The following PPP1R13L variants were observed in gnomAD, a reference collection of about 807,000 sequenced individuals.
PPP1R13L encodes the protein relA-associated inhibitor.
In PPP1R13L, 50 loss-of-function variants were observed where a neutral mutation model predicts 80.9. The ratio of observed to expected loss-of-function variants is 0.62; its 90% CI spans 0.49 to 0.78. The LOEUF is 0.78. Among genes scored for constraint, PPP1R13L ranks in the 30% least tolerant of loss-of-function variants. The pLI, the probability that PPP1R13L is intolerant of heterozygous loss-of-function variation, is 0.00. For missense variants in PPP1R13L, 1,200 were observed against 1,205.9 expected (o/e 1.00, Z 0.07); for synonymous variants, 602 against 534.3 (o/e 1.13, Z -1.75).
intron 12 of PPP1R13L, among the ~76,000 whole-genome samples, 170 bp downstream of exon 12, chr19:45,382,356 TA>T (rs1423697711): frequency 6.6e-6 from 1 of 152,222 alleles, no homozygotes; most frequent in Non-Finnish European, 1.5e-5. Context: ...ACATTACTAT[TA>T]AATATAACGG....
intron 6 of PPP1R13L, 96 bp from the exon 7 acceptor site, chr19:45,395,982 G>T: frequency 2.0e-6 from 2 of 1,007,290 alleles, no homozygotes; most frequent in Non-Finnish European, 3.0e-6. Context: ...GGTGAGGGAA[G>T]CCCTGGGAGT....
intron 12 of PPP1R13L, among the ~76,000 whole-genome samples, chr19:45,380,887 A>G (rs1972750122): frequency 6.6e-6 from 1 of 150,840 alleles, no homozygotes; most frequent in Non-Finnish European, 1.5e-5. Flanking sequence ...CTCCCTTCTC[A>G]GGAATGTAAC....
chr19:45,396,747 A>G lies in PPP1R13L; in HGVS notation c.510T>C (p.Gly170=). The G allele has an allele frequency of 7.3e-7, 1 of 1,361,154 alleles. No individual in the cohort carries two copies. The highest frequency in any genetic ancestry group is 9.4e-7 in the Non-Finnish European group (1 of 1,066,688). 84.3% of individuals were successfully genotyped at this position (1,361,154 alleles called of 1,614,324 possible). Residue 170 remains glycine, a synonymous_variant, in exon 4 of 13, where the codon GGT becomes GGC. Transcript: ENST00000360957. This position sits in a 1 kb window ranked among gnomAD's most constrained non-coding sequence, Gnocchi z 5.3. ...CCAGGAAGTCGAAAGGCGTGGGGGG[A>G]CCCTGCTGGCGGAGCGGGCCTGGCC... The part of the protein sequence containing the change: ...RPGPGPLRQQ[G]PPTPFDFLGR...
chr19:45,380,055 C>G lies in PPP1R13L; in HGVS notation c.*135G>C. 1 of 965,102 alleles carries G rather than the reference C, an allele frequency of 1.0e-6. No homozygotes were observed. The highest frequency in any genetic ancestry group is 1.6e-6 in the Non-Finnish European group (1 of 630,432). The allele number at this position is 965,102 out of a possible 1,614,324, so 59.8% of individuals were successfully genotyped here. A position where few individuals can be genotyped will look rare whatever the true frequency, so the allele number is the denominator to read the frequency against. On this transcript the variant is annotated 3_prime_UTR_variant, in exon 13 of 13. Coordinates refer to ENST00000360957, the MANE Select transcript of PPP1R13L (RefSeq NM_006663.4). ...CTTCTTCCCTGGACTTCCAGGAGAACAGAGAACCGGTGGCAAGGACCACCA... is the reference window on the plus strand; with the variant it reads ...CTTCTTCCCTGGACTTCCAGGAGAAGAGAGAACCGGTGGCAAGGACCACCA...
intron 8 of PPP1R13L, among the ~76,000 whole-genome samples, chr19:45,389,614 A>G (rs1972930610): frequency 6.6e-6 from 1 of 152,082 alleles, no homozygotes. Context: ...GTTCAAGACC[A>G]GCCTAGCCAA....
At position 45,382,721 on chromosome 19, in the gene PPP1R13L, C is replaced by T. The variant is rs61324211; in HGVS notation, c.2254G>A (p.Glu752Lys). 15 of 1,613,852 alleles carry T rather than the reference C, an allele frequency of 9.3e-6. No homozygotes were observed. Among genetic ancestry groups the T allele is most frequent in the African/African-American group, 2.7e-5 (2 of 74,920 alleles). The change falls in exon 12 of 13, where the codon GAG becomes AAG. Residue 752 changes from glutamate to lysine, a missense_variant. Physicochemically the swap from Glu to Lys is moderately conservative, Grantham distance 56. This residue lies in a region of PPP1R13L where 165 missense variants were observed against 177.1 expected (regional missense o/e 0.93). Coordinates refer to ENST00000360957, the MANE Select transcript of PPP1R13L (RefSeq NM_006663.4). The stretch of plus-strand genomic sequence containing the variant: ...CTGTTCATCAGCCCCATACTCTGCT[C>T]GACGTCTGAAACATGCCACGGAGGG... ...ADCATYLADV[E>K]QSMGLMNSGA...
rs1211043303 is a variant in PPP1R13L at position 45,393,746 on chromosome 19, G to A, written c.1355-1406C>T. On this transcript the variant is annotated intron_variant, in intron 7 of 12. Transcript: ENST00000360957. ...AAATTAGCTGGGGGTGGTGGTGGGCGCCTGTAGTCCCAGCCACTCGGGAGG... is the reference window on the plus strand; with the variant it reads ...AAATTAGCTGGGGGTGGTGGTGGGCACCTGTAGTCCCAGCCACTCGGGAGG... Among the ~76,000 whole-genome samples the A allele has an allele frequency of 3.3e-5, 5 of 151,996 alleles. No individual in the cohort carries two copies. The East Asian group carries it at 5.8e-4, about 18-fold the overall frequency.
chr19:45,393,867 C>CA (rs900361425), intron 7 of PPP1R13L, among the ~76,000 whole-genome samples: 22 of 148,928 alleles, frequency 1.5e-4, no homozygotes, highest in Admixed American at 1.2e-3. Context: ...GACTCTGTCT[C>CA]AAAAAAAAAG....
Position 45,385,647 on chromosome 19 carries a change from G to A in PPP1R13L, c.2163C>T (p.Ala721=). The change falls in exon 11 of 13, where the codon GCC becomes GCT. Residue 721 remains alanine, a synonymous_variant. Transcript: ENST00000360957. Reference sequence around the variant, plus strand: ...CGGTGGCGCCGTCGCTGAGCGTGGTGGCGAAGATTGCAGCGCCGTGCTGCA... The same window carrying A: ...CGGTGGCGCCGTCGCTGAGCGTGGTAGCGAAGATTGCAGCGCCGTGCTGCA... ...ALVQHGAAIF[A]TTLSDGATAF... is the part of the protein sequence containing the mutation. 6.2e-7 allele frequency: 1 copy of A among 1,613,224 alleles called. No individual in the cohort carries two copies. Among genetic ancestry groups the A allele is most frequent in the East Asian group, 2.2e-5 (1 of 44,870 alleles).
Position 45,395,524 on chromosome 19 carries a change from G to C in PPP1R13L, c.1266C>G (p.Pro422=), listed in dbSNP as rs781698880. 2 of 1,493,246 alleles carry C rather than the reference G, an allele frequency of 1.3e-6. No individual in the cohort carries two copies. The highest frequency in any genetic ancestry group is 2.6e-5 in the South Asian group (2 of 78,260). 92.5% of individuals were successfully genotyped at this position (1,493,246 alleles called of 1,614,324 possible). ...GGGTCTGGGGCTGTGGGGGCAGCTG[G>C]GGCTGTGGTTGTGATTGTGGCTGGG... ...PQPQPQSQPQ[P]QLPPQPQTQP... is the part of the protein sequence containing the mutation. The change falls in exon 7 of 13, where the codon CCC becomes CCG. Residue 422 remains proline, a synonymous_variant. Coordinates refer to ENST00000360957, the MANE Select transcript of PPP1R13L (RefSeq NM_006663.4).
At chr19:45,385,423 C>T in intron 11 of PPP1R13L, 139 bp downstream of exon 11, 1 of 1,090,944 alleles carries the variant, frequency 9.2e-7, no homozygotes, top group Admixed American at 2.8e-5. Flanking sequence ...CGGTCCATCC[C>T]TCATCCTCCT....
Position 45,395,523 on chromosome 19 carries a change from G to A in PPP1R13L, c.1267C>T (p.Gln423Ter). ...QPQPQSQPQP[Q>*]LPPQPQTQPQ... ...TGGGTCTGGGGCTGTGGGGGCAGCT[G>A]GGGCTGTGGTTGTGATTGTGGCTGG... The change falls in exon 7 of 13, where the codon CAG (glutamine) becomes TAG (stop). Residue 423 changes from glutamine (Q) to a stop codon, truncating the protein, a stop_gained. Coordinates refer to ENST00000360957, the MANE Select transcript of PPP1R13L (RefSeq NM_006663.4). LOFTEE classifies it high-confidence loss of function. 3 of 1,492,908 alleles carry A rather than the reference G, an allele frequency of 2.0e-6. No individual in the cohort carries two copies. Among genetic ancestry groups the A allele is most frequent in the Non-Finnish European group, 2.7e-6 (3 of 1,117,510 alleles). 92.5% of individuals were successfully genotyped at this position (1,492,908 alleles called of 1,614,324 possible).
chr19:45,389,765 T>C, intron 8 of PPP1R13L, among the ~76,000 whole-genome samples: 1 of 152,214 alleles, frequency 6.6e-6, no homozygotes, highest in African/African-American at 2.4e-5. Context: ...CAGCCGAGAC[T>C]CACTTGTTTT....
chr19:45,383,293 C>CTTTTTTT (rs1164667426), intron 11 of PPP1R13L, among the ~76,000 whole-genome samples: 1 of 62,838 alleles, frequency 1.6e-5, no homozygotes, highest in Non-Finnish European at 2.7e-5. Flanking sequence ...CGCGCCCGGC[C>CTTTTTTT]TTTTTTTTTT....
At position 45,391,785 on chromosome 19, in the gene PPP1R13L, C is replaced by T. The variant is rs528222631; in HGVS notation, c.1815+95G>A. Reference sequence around the variant, plus strand: ...TTCTACTCAAAAGAGGAGAAAACTTCGATCTCATCTAAGCCACTATATTTG... The same window carrying T: ...TTCTACTCAAAAGAGGAGAAAACTTTGATCTCATCTAAGCCACTATATTTG... On this transcript the variant is annotated intron_variant, in intron 8 of 12. Coordinates refer to ENST00000360957, the MANE Select transcript of PPP1R13L (RefSeq NM_006663.4). 7 of 973,566 alleles carry T rather than the reference C, an allele frequency of 7.2e-6. No homozygotes were observed. In the South Asian group the frequency reaches 9.5e-5, roughly 13 times the overall value. 60.3% of individuals were successfully genotyped at this position (973,566 alleles called of 1,614,324 possible). A position where few individuals can be genotyped will look rare whatever the true frequency, so the allele number is the denominator to read the frequency against.
chr19:45,397,531 A>C (rs1973137919), intron 3 of PPP1R13L, among the ~76,000 whole-genome samples: 1 of 89,962 alleles, frequency 1.1e-5, no homozygotes, highest in African/African-American at 3.7e-5. Context: ...ATCTCGGCTC[A>C]TTGCAGCCTC....
intron 3 of PPP1R13L, 82 bp from the exon 4 acceptor site, chr19:45,397,140 G>T: frequency 9.0e-7 from 1 of 1,108,916 alleles, no homozygotes. Context: ...GGTGTCAAGA[G>T]AGATCACTGG....
chr19:45,396,342 AT>A lies in PPP1R13L; in HGVS notation c.806del (p.Tyr269LeufsTer106), dbSNP rs1486738626. 2.5e-6 allele frequency: 4 copies of A among 1,614,080 alleles called. No homozygotes were observed. The Admixed American group carries it at 6.7e-5, about 27-fold the overall frequency. On this transcript the variant is annotated frameshift_variant, in exon 5 of 13. Coordinates refer to ENST00000360957, the MANE Select transcript of PPP1R13L (RefSeq NM_006663.4). LOFTEE classifies it high-confidence loss of function. The surrounding 1 kb of genome is among the most constrained non-coding windows in gnomAD (Gnocchi z 5.3). ...YEKKPSQTAS[Y>X]ERLDVFARPA... Reference sequence around the variant, plus strand: ...CCCCGGGCCTCCACCACTCACGTTCATAGCTCGCTGTCTGCGAAGGCTTCTT... The same window carrying A: ...CCCCGGGCCTCCACCACTCACGTTCAAGCTCGCTGTCTGCGAAGGCTTCTT...
At position 45,396,422 on chromosome 19, in the gene PPP1R13L, G is replaced by C. The variant is rs1405585514; in HGVS notation, c.727C>G (p.Arg243Gly). 1 of 1,614,052 alleles carries C rather than the reference G, an allele frequency of 6.2e-7. No homozygotes were observed. Among genetic ancestry groups the C allele is most frequent in the African/African-American group, 1.3e-5 (1 of 75,054 alleles). ...TTCCAGGCTTTCGGAGGCCGCCGGCGCAGCGTCAGGTCGTCTGGGGAGAAG... is the reference window on the plus strand; with the variant it reads ...TTCCAGGCTTTCGGAGGCCGCCGGCCCAGCGTCAGGTCGTCTGGGGAGAAG... Reference protein sequence around the residue: ...PLRAQDDLTLRRRPPKAWNES... With the variant: ...PLRAQDDLTLGRRPPKAWNES... Residue 243 changes from arginine (R) to glycine (G), a missense_variant, in exon 5 of 13, where the codon CGC (arginine) becomes GGC (glycine). Around this residue, in one of 5 missense-constraint regions of PPP1R13L, gnomAD observed 764 missense variants for 714.5 expected, o/e 1.07. Transcript: ENST00000360957. The surrounding 1 kb of genome is among the most constrained non-coding windows in gnomAD (Gnocchi z 5.3).
Sources: allele counts gnomAD v4.1 joint callset (sites outside exome capture counted in the v4.1 genomes callset), GRCh38; gene constraint gnomAD v4.1.1; regional missense constraint gnomAD v4.1.1; non-coding constraint Gnocchi (gnomAD v3.1); transcripts MANE v1.5; gene names NCBI Gene and HGNC (gene_info 2026-07-23, HGNC 2026-07-21).